The following TRAPPC9 variants were observed in gnomAD, a reference collection of about 807,000 sequenced individuals.
The protein encoded by TRAPPC9 is trafficking protein particle complex subunit 9.
In TRAPPC9, 83 loss-of-function variants were observed where a neutral mutation model predicts 124.0. The observed-to-expected ratio is 0.67, with a 90% confidence interval of 0.56 to 0.80. The LOEUF (loss-of-function observed/expected upper bound fraction) is 0.80. Ranked by LOEUF, TRAPPC9 falls within the 30% of genes least tolerant of loss-of-function variation. The pLI is 0.00. For synonymous variants in TRAPPC9, 638 were observed against 617.5 expected, an observed-to-expected ratio of 1.03 and a Z score of -0.49; for missense variants, 1,302 against 1,508.3, an observed-to-expected ratio of 0.86 and a Z score of 2.27.
intron 2 of TRAPPC9, among the ~76,000 whole-genome samples, chr8:140,443,244 G>C (rs189382066): frequency 1.3e-4 from 20 of 148,844 alleles, no homozygotes; most frequent in African/African-American, 4.9e-4. Context: ...GACCATCCTG[G>C]CTAACATGAT....
chr8:139,803,490 C>G (rs775004340), intron 21 of TRAPPC9, among the ~76,000 whole-genome samples: 8 of 152,238 alleles, frequency 5.3e-5, no homozygotes, highest in Non-Finnish European at 1.0e-4. Flanking sequence ...TGCAGGGAAG[C>G]CTCAGGCCCA....
chr8:140,255,871 G>C (rs1421754967), intron 15 of TRAPPC9, among the ~76,000 whole-genome samples: 1 of 152,222 alleles, frequency 6.6e-6, no homozygotes, highest in Non-Finnish European at 1.5e-5. Context: ...GGGCAACAAA[G>C]CGAGACTCCG....
At chr8:139,885,769 T>C (rs1041096689) in intron 21 of TRAPPC9, 110 bp downstream of exon 21, 30 of 1,048,518 alleles carry the variant, frequency 2.9e-5, no homozygotes, top group Middle Eastern at 2.9e-4. Flanking sequence ...TGACCTTCAG[T>C]ACCCACCAAC....
chr8:140,364,184 C>A (rs534405383), intron 8 of TRAPPC9, among the ~76,000 whole-genome samples: 52 of 150,760 alleles, frequency 3.4e-4, no homozygotes, highest in Admixed American at 1.2e-3. Context: ...ATAACTGGCC[C>A]CGGGACAGGA....
chr8:140,190,654 A>C (rs2062470273), intron 17 of TRAPPC9, among the ~76,000 whole-genome samples: 1 of 152,262 alleles, frequency 6.6e-6, no homozygotes, highest in Non-Finnish European at 1.5e-5. Context: ...GGAGGCTGCA[A>C]AGAGAAAGAG....
intron 17 of TRAPPC9, among the ~76,000 whole-genome samples, chr8:140,211,438 A>G (rs1476275076): frequency 6.6e-6 from 1 of 152,134 alleles, no homozygotes; most frequent in Non-Finnish European, 1.5e-5. Context: ...ACGCACCTGT[A>G]GTCCCAGCTA....
intron 9 of TRAPPC9, among the ~76,000 whole-genome samples, chr8:140,321,564 C>G (rs2066596489): frequency 6.6e-6 from 1 of 152,148 alleles, no homozygotes; most frequent in Non-Finnish European, 1.5e-5. Flanking sequence ...CAAGCTCTTC[C>G]TAGGAGACAG....
intron 5 of TRAPPC9, among the ~76,000 whole-genome samples, chr8:140,409,066 G>A (rs2069598226): frequency 6.6e-6 from 1 of 151,708 alleles, no homozygotes; most frequent in African/African-American, 2.4e-5. Flanking sequence ...AAAAATATAT[G>A]CAACATATAT....
chr8:139,881,272 A>C (rs997904321), intron 21 of TRAPPC9: 1 of 152,160 alleles, frequency 6.6e-6, no homozygotes, highest in Non-Finnish European at 1.5e-5. Context: ...GAATATATTA[A>C]GACAAGTTGA....
chr8:139,739,776 G>A (rs7816891), intron 21 of TRAPPC9, among the ~76,000 whole-genome samples: 103,290 of 152,192 alleles, frequency 0.68, 37,032 homozygotes, highest in East Asian at 0.8. Flanking sequence ...TTAACTACCC[G>A]TGTTCCTCCT....
intron 19 of TRAPPC9, among the ~76,000 whole-genome samples, chr8:139,928,504 A>G (rs1013293799): frequency 3.3e-5 from 5 of 151,090 alleles, no homozygotes; most frequent in African/African-American, 1.2e-4. Flanking sequence ...AAAAAAAAAG[A>G]AAATAACAAA....
At chr8:139,737,639 G>A (rs561954956) in intron 21 of TRAPPC9, among the ~76,000 whole-genome samples, 1 of 152,322 alleles carries the variant, frequency 6.6e-6, no homozygotes, top group African/African-American at 2.4e-5. Flanking sequence ...TCTCCCAGGC[G>A]GGATGGGGCG....
At chr8:140,289,174 AGTGTGTGTGTGTGTGTG>A (rs2065578323) in intron 12 of TRAPPC9, among the ~76,000 whole-genome samples, 1 of 148,314 alleles carries the variant, frequency 6.7e-6, no homozygotes, top group South Asian at 2.2e-4. Flanking sequence ...ATATATATAT[AGTGTGTGTGTGTGTGTG>A]TGTGTGTGTG....
intron 5 of TRAPPC9, among the ~76,000 whole-genome samples, chr8:140,421,341 T>C (rs2132520312): frequency 6.6e-6 from 1 of 152,334 alleles, no homozygotes; most frequent in South Asian, 2.1e-4. Flanking sequence ...AGCCAGAATA[T>C]TTTAAATTAT....
intron 15 of TRAPPC9, among the ~76,000 whole-genome samples, chr8:140,268,952 C>T (rs1478138932): frequency 6.6e-6 from 1 of 152,046 alleles, no homozygotes; most frequent in Non-Finnish European, 1.5e-5. Context: ...CTCTCTAGGC[C>T]GACCAGGTAA....
Position 139,830,777 on chromosome 8 carries a change from G to A in TRAPPC9, c.3055+55102C>T, listed in dbSNP as rs376676373. Among the ~76,000 whole-genome samples the A allele has an allele frequency of 1.1e-4, 17 of 152,236 alleles. No homozygotes were observed. In the East Asian group the frequency reaches 1.4e-3, roughly 12 times the overall value. On this transcript the variant is annotated intron_variant, in intron 21 of 22. Coordinates refer to ENST00000438773, the MANE Select transcript of TRAPPC9 (RefSeq NM_001160372.4). Reference sequence around the variant, plus strand: ...TTAGCCAATGCCAAACACCAGCCTCGGCTGCTGCACCAGGGAGCCCGGAAG... The same window carrying A: ...TTAGCCAATGCCAAACACCAGCCTCAGCTGCTGCACCAGGGAGCCCGGAAG...
intron 21 of TRAPPC9, among the ~76,000 whole-genome samples, chr8:139,768,909 T>C (rs1186333570): frequency 2.0e-5 from 3 of 152,190 alleles, no homozygotes; most frequent in Admixed American, 2.0e-4. Context: ...CCTCTCGGAC[T>C]GGTGTCATTA....
At chr8:140,130,339 C>T (rs1171364205) in intron 17 of TRAPPC9, among the ~76,000 whole-genome samples, 1 of 152,152 alleles carries the variant, frequency 6.6e-6, no homozygotes, top group East Asian at 1.9e-4. Flanking sequence ...CAGACACCAC[C>T]TTACTCAAGT....
chr8:139,832,800 C>T lies in TRAPPC9; in HGVS notation c.3055+53079G>A, dbSNP rs144349247. On this transcript the variant is annotated intron_variant, in intron 21 of 22. Transcript: ENST00000438773. ...CTGTGGGGAGCTCCAAGATGACCCC[C>T]GGAGACCCTCGCCCTTGGATAGCGT... Among the ~76,000 whole-genome samples the T allele has an allele frequency of 1.1e-4, 16 of 152,256 alleles. No homozygotes were observed. The South Asian group carries it at 2.9e-3, about 28-fold the overall frequency.
Sources: gnomAD v4.1 joint callset for allele counts (sites outside exome capture counted in the v4.1 genomes callset) on GRCh38, gnomAD v4.1.1 for gene constraint, MANE v1.5 for transcripts, NCBI Gene and HGNC (gene_info 2026-07-23, HGNC 2026-07-21) for gene names.